The following EIPR1 variants were observed in gnomAD, a reference collection of about 807,000 sequenced individuals.
The protein encoded by EIPR1 is EARP complex and GARP complex interacting protein 1, also known as EARP and GARP complex-interacting protein 1.
A neutral mutation model predicts 48.1 loss-of-function variants in EIPR1; 25 were observed. That is an observed-to-expected ratio of 0.52 (90% CI 0.38 to 0.73). The LOEUF (loss-of-function observed/expected upper bound fraction) is 0.73. EIPR1 is among the 30% of genes least tolerant of loss of function. EIPR1 has a pLI of 0.00. For missense variants in EIPR1, 415 were observed against 506.2 expected, an observed-to-expected ratio of 0.82 and a Z score of 1.73; for synonymous variants, 204 against 201.9, an observed-to-expected ratio of 1.01 and a Z score of -0.09.
At chr2:3,265,753 G>C (rs1247428968) in intron 3 of EIPR1, among the ~76,000 whole-genome samples, 2 of 152,210 alleles carry the variant, frequency 1.3e-5, no homozygotes, top group Non-Finnish European at 2.9e-5. Context: ...ACGATACCTA[G>C]GCTGAAAGGG....
intron 1 of EIPR1, among the ~76,000 whole-genome samples, chr2:3,363,248 G>A (rs1158153024): frequency 6.6e-6 from 1 of 152,058 alleles, no homozygotes; most frequent in Admixed American, 6.5e-5. Flanking sequence ...CACTACAAAG[G>A]GAGACGGGCA....
intron 4 of EIPR1, among the ~76,000 whole-genome samples, chr2:3,234,518 TGGTGAATGC>T (rs949716067): frequency 1.3e-5 from 2 of 152,092 alleles, no homozygotes; most frequent in Non-Finnish European, 2.9e-5. Flanking sequence ...AGGCCCAACA[TGGTGAATGC>T]ACAATAAATA....
intron 3 of EIPR1, among the ~76,000 whole-genome samples, chr2:3,284,803 GA>G (rs1201467529): frequency 6.6e-6 from 1 of 152,018 alleles, no homozygotes; most frequent in Non-Finnish European, 1.5e-5. Context: ...ACACAGTTGG[GA>G]AAGGGGGGCC....
intron 3 of EIPR1, among the ~76,000 whole-genome samples, chr2:3,302,423 T>C (rs947020273): frequency 3.9e-5 from 6 of 152,210 alleles, no homozygotes; most frequent in African/African-American, 1.4e-4. Flanking sequence ...TAGAAGACAA[T>C]CCCTCTTCTG....
chr2:3,306,724 T>C (rs1189602125), intron 3 of EIPR1, among the ~76,000 whole-genome samples: 4 of 152,210 alleles, frequency 2.6e-5, no homozygotes, highest in Non-Finnish European at 5.9e-5. Flanking sequence ...CTCTTCATCC[T>C]GTCGTCTTCA....
chr2:3,364,650 A>C (rs1670932307), intron 1 of EIPR1, among the ~76,000 whole-genome samples: 1 of 151,728 alleles, frequency 6.6e-6, no homozygotes, highest in Non-Finnish European at 1.5e-5. Flanking sequence ...AAAAAAAAAG[A>C]AAGAAAAAAA....
At chr2:3,281,666 C>A (rs193036465) in intron 3 of EIPR1, among the ~76,000 whole-genome samples, 13 of 152,214 alleles carry the variant, frequency 8.5e-5, no homozygotes, top group Admixed American at 3.9e-4. Context: ...ACGGTCAAGG[C>A]GGAAACAGCA....
chr2:3,230,591 A>G (rs571841358), intron 4 of EIPR1, among the ~76,000 whole-genome samples: 44 of 152,304 alleles, frequency 2.9e-4, no homozygotes, highest in African/African-American at 9.9e-4. Context: ...ACACAACTAT[A>G]CCATTTATTG....
chr2:3,310,499 A>C (rs1669093969), intron 3 of EIPR1, among the ~76,000 whole-genome samples: 1 of 141,022 alleles, frequency 7.1e-6, no homozygotes, highest in African/African-American at 2.8e-5. Flanking sequence ...TAAAAATACA[A>C]AAAATTAGCC....
chr2:3,307,602 GAA>G (rs1256883892), intron 3 of EIPR1, among the ~76,000 whole-genome samples: 1 of 152,212 alleles, frequency 6.6e-6, no homozygotes, highest in Admixed American at 6.5e-5. Context: ...CCCGGGCACG[GAA>G]AGACGGCATC....
chr2:3,266,380 A>G (rs188939512), intron 3 of EIPR1, among the ~76,000 whole-genome samples: 2 of 152,362 alleles, frequency 1.3e-5, no homozygotes. Context: ...CACCTGATGC[A>G]GGTACGCCTC....
At chr2:3,289,244 C>T (rs1292210515) in intron 3 of EIPR1, among the ~76,000 whole-genome samples, 2 of 152,266 alleles carry the variant, frequency 1.3e-5, no homozygotes, top group Non-Finnish European at 2.9e-5. Flanking sequence ...TCAATCATTT[C>T]GCTGTCTCTC....
intron 4 of EIPR1, among the ~76,000 whole-genome samples, chr2:3,248,213 C>G (rs1220297482): frequency 6.6e-6 from 1 of 152,214 alleles, no homozygotes; most frequent in Non-Finnish European, 1.5e-5. Flanking sequence ...TTTGGAAGGC[C>G]GAGGTGGGTG....
chr2:3,211,448 A>C (rs961109101), intron 5 of EIPR1, among the ~76,000 whole-genome samples: 2 of 152,124 alleles, frequency 1.3e-5, no homozygotes, highest in Non-Finnish European at 2.9e-5. Context: ...GCTTCTGCCC[A>C]CTGCTCTCTT....
intron 3 of EIPR1, among the ~76,000 whole-genome samples, chr2:3,324,686 T>C (rs373036964): frequency 6.6e-6 from 1 of 152,238 alleles, no homozygotes; most frequent in Non-Finnish European, 1.5e-5. Context: ...CAGGACGTCC[T>C]CAACTCTGGT....
intron 3 of EIPR1, among the ~76,000 whole-genome samples, chr2:3,289,514 C>T (rs1431882732): frequency 6.6e-6 from 1 of 152,200 alleles, no homozygotes; most frequent in African/African-American, 2.4e-5. Flanking sequence ...CACCAGCCTC[C>T]TGGCCTTCCG....
chr2:3,338,141 G>T lies in EIPR1; in HGVS notation c.135C>A (p.Ile45=). 1 of 1,609,216 alleles carries T rather than the reference G, an allele frequency of 6.2e-7. No homozygotes were observed. Among genetic ancestry groups the T allele is most frequent in the Non-Finnish European group, 8.5e-7 (1 of 1,179,014 alleles). Residue 45 remains isoleucine, a synonymous_variant, in exon 3 of 9, where the codon ATC becomes ATA. Coordinates refer to ENST00000382125, the MANE Select transcript of EIPR1 (RefSeq NM_003310.5). ...TGTTGTTTTCATCGTCAAAATCTAT[G>T]ATATGGATCTACAAATACAAGAAAA... ...QSLKYDNQIH[I]IDFDDENNII... is the part of the protein sequence containing the mutation.
intron 3 of EIPR1, among the ~76,000 whole-genome samples, chr2:3,281,667 G>A (rs560558662): frequency 5.3e-5 from 8 of 152,224 alleles, no homozygotes; most frequent in East Asian, 1.9e-4. Context: ...CGGTCAAGGC[G>A]GAAACAGCAT....
intron 8 of EIPR1, among the ~76,000 whole-genome samples, chr2:3,190,237 C>T (rs974634244): frequency 3.3e-5 from 5 of 152,238 alleles, no homozygotes; most frequent in Non-Finnish European, 4.4e-5. Flanking sequence ...CGGCTCACAG[C>T]GGCCACTTTC....
Sources: gnomAD v4.1 joint callset for allele counts (sites outside exome capture counted in the v4.1 genomes callset) on GRCh38, gnomAD v4.1.1 for gene constraint, MANE v1.5 for transcripts, NCBI Gene and HGNC (gene_info 2026-07-23, HGNC 2026-07-21) for gene names.